Variants in EFHB observed in about 807,000 individuals in gnomAD.
The protein encoded by EFHB is EF-hand domain family member B, also known as EF-hand domain-containing family member B.
EFHB carries 91 observed loss-of-function variants against 87.2 expected under a neutral mutation model. The observed-to-expected ratio is 1.04, with a 90% CI of 0.88 to 1.24. The LOEUF (loss-of-function observed/expected upper bound fraction) is 1.24. EFHB is among the 50% of genes most tolerant of loss of function. The pLI is 0.00. For missense variants in EFHB, 1,084 were observed against 998.8 expected, an observed-to-expected ratio of 1.09 and a Z score of -1.15; for synonymous variants, 325 against 333.6, an observed-to-expected ratio of 0.97 and a Z score of 0.28.
At chr3:19,928,331 G>T (rs1559472716) in intron 1 of EFHB, among the ~76,000 whole-genome samples, 1 of 152,160 alleles carries the variant, frequency 6.6e-6, no homozygotes. Flanking sequence ...AACTTTCTTA[G>T]CAAACTGGAA....
chr3:19,934,191 G>T lies in EFHB; in HGVS notation c.-173C>A. 1 of 1,439,680 alleles carries T rather than the reference G, an allele frequency of 6.9e-7. No individual in the cohort carries two copies. The allele number at this position is 1,439,680 out of a possible 1,614,324, so 89.2% of individuals were successfully genotyped here. On this transcript the variant is annotated 5_prime_UTR_variant, in exon 1 of 13. Transcript: ENST00000295824. ...CCTGCCTGCCTCTTAACACCTAGCC[G>T]AGTTCACAGAGGAAAAGATGGAGTC...
chr3:19,914,460 C>A (rs1332941681), intron 5 of EFHB, among the ~76,000 whole-genome samples: 2 of 152,076 alleles, frequency 1.3e-5, no homozygotes, highest in African/African-American at 4.8e-5. Flanking sequence ...CTATAAACAT[C>A]TAATGCCTTT....
intron 1 of EFHB, among the ~76,000 whole-genome samples, chr3:19,927,574 G>A (rs1695674920): frequency 6.6e-6 from 1 of 152,132 alleles, no homozygotes; most frequent in African/African-American, 2.4e-5. Context: ...CCTGAAATAA[G>A]GTGTATCTGC....
At chr3:19,925,158 C>G (rs1036416690) in intron 1 of EFHB, among the ~76,000 whole-genome samples, 1 of 149,738 alleles carries the variant, frequency 6.7e-6, no homozygotes, top group Non-Finnish European at 1.5e-5. Context: ...AGGAGAATGG[C>G]GTGAACCAGG....
At chr3:19,888,354 T>C (rs1475890890) in intron 10 of EFHB, 90 bp downstream of exon 10, 1 of 696,850 alleles carries the variant, frequency 1.4e-6, no homozygotes, top group Non-Finnish European at 1.9e-6. Context: ...CTGGGCAACA[T>C]AGTGAGACCT....
intron 10 of EFHB, among the ~76,000 whole-genome samples, chr3:19,887,211 T>C (rs1694131232): frequency 1.3e-5 from 2 of 151,878 alleles, no homozygotes; most frequent in African/African-American, 4.8e-5. Context: ...TGAAACCCTG[T>C]CTCTGCTAAA....
At chr3:19,941,188 A>C in intron 1 of EFHB, 1 of 365,704 alleles carries the variant, frequency 2.7e-6, no homozygotes, top group Admixed American at 3.5e-5. Flanking sequence ...AATATCATGA[A>C]TCTGTGACTT....
At chr3:19,895,935 G>A (rs1694466566) in intron 9 of EFHB, among the ~76,000 whole-genome samples, 1 of 152,164 alleles carries the variant, frequency 6.6e-6, no homozygotes, top group Admixed American at 6.5e-5. Context: ...GGCCTAAAAT[G>A]AAGCAAGGCA....
At chr3:19,941,425 T>A (rs376006378) in intron 1 of EFHB, 2 of 162,408 alleles carry the variant, frequency 1.2e-5, no homozygotes, top group African/African-American at 2.4e-5. Context: ...CTGATGTCCT[T>A]TGTATGCTTG....
chr3:19,908,554 AAGAGAGAAAG>A (rs1559459377), intron 5 of EFHB, among the ~76,000 whole-genome samples: 21 of 60,662 alleles, frequency 3.5e-4, no homozygotes, highest in African/African-American at 1.5e-3. Context: ...GAAAGAGAGA[AAGAGAGAAAG>A]AGAGAGAGAG....
chr3:19,935,025 C>T (rs1395996714), upstream of EFHB, among the ~76,000 whole-genome samples: 2 of 152,208 alleles, frequency 1.3e-5, no homozygotes, highest in African/African-American at 4.8e-5. Context: ...ATTCTCCTGC[C>T]TCAGCCTTCC....
chr3:19,939,473 C>T (rs1696103962), intron 1 of EFHB, among the ~76,000 whole-genome samples: 2 of 147,916 alleles, frequency 1.4e-5, no homozygotes, highest in Admixed American at 1.4e-4. Flanking sequence ...CAAGCTCCGC[C>T]TCCCGGGTTC....
At chr3:19,941,943 T>C (rs552937828) in intron 1 of EFHB, among the ~76,000 whole-genome samples, 2 of 150,748 alleles carry the variant, frequency 1.3e-5, no homozygotes, top group Admixed American at 1.3e-4. Context: ...TCACCTGAAG[T>C]CAGGTGTTTG....
In EFHB at chr3:19,920,489, T is replaced by C. The variant is rs1218451780; in HGVS notation, c.852+16A>G. On this transcript the variant is annotated intron_variant, in intron 2 of 12. Coordinates refer to ENST00000295824, the MANE Select transcript of EFHB (RefSeq NM_144715.4). ...AGGTAAAAATAGAAATATAAAGGTA[T>C]ATTGAAAGTGCTCACCCTGGGAAGT... is the stretch of plus-strand genomic sequence containing the variant. 2 of 1,590,534 alleles carry C rather than the reference T, an allele frequency of 1.3e-6. No homozygotes were observed. Among genetic ancestry groups the C allele is most frequent in the East Asian group, 2.3e-5 (1 of 43,682 alleles).
chr3:19,896,575 ACAGTGG>A (rs1454642395), intron 9 of EFHB, 106 bp downstream of exon 9: 1 of 1,382,630 alleles, frequency 7.2e-7, no homozygotes, highest in Non-Finnish European at 1.0e-6. Context: ...ACACAAACAA[ACAGTGG>A]GCTGGATTTG....
intron 1 of EFHB, among the ~76,000 whole-genome samples, chr3:19,930,931 G>C (rs1342381782): frequency 6.6e-6 from 1 of 152,110 alleles, no homozygotes; most frequent in Non-Finnish European, 1.5e-5. Flanking sequence ...TCAGGAGTAG[G>C]GGACCAGCCT....
chr3:19,881,829 T>C (rs1008137154), intron 12 of EFHB, among the ~76,000 whole-genome samples: 5 of 152,190 alleles, frequency 3.3e-5, no homozygotes, highest in African/African-American at 1.2e-4. Context: ...AAGCAAGTAC[T>C]CCCTGAATTA....
chr3:19,927,044 C>A (rs1017570544), intron 1 of EFHB, among the ~76,000 whole-genome samples: 1 of 152,218 alleles, frequency 6.6e-6, no homozygotes, highest in Non-Finnish European at 1.5e-5. Context: ...CAGCCTCAAC[C>A]TCCCATAGCC....
At chr3:19,889,029 G>A (rs1436858790) in intron 9 of EFHB, among the ~76,000 whole-genome samples, 1 of 152,228 alleles carries the variant, frequency 6.6e-6, no homozygotes, top group Non-Finnish European at 1.5e-5. Flanking sequence ...AAAGACAGTG[G>A]TCTGGTTTTC....
Sources: allele counts gnomAD v4.1 joint callset (sites outside exome capture counted in the v4.1 genomes callset), GRCh38; gene constraint gnomAD v4.1.1; transcripts MANE v1.5; gene names NCBI Gene and HGNC (gene_info 2026-07-23, HGNC 2026-07-21).